Variants in ITGAV observed in about 807,000 individuals in gnomAD.
ITGAV encodes the protein integrin alpha-V.
ITGAV carries 76 observed loss-of-function variants against 143.8 expected under a neutral mutation model. The ratio of observed to expected loss-of-function variants is 0.53; its 90% CI spans 0.44 to 0.64. ITGAV has a LOEUF of 0.64. Among genes scored for constraint, ITGAV ranks in the 30% least tolerant of loss-of-function variants. The pLI, the probability that ITGAV is intolerant of heterozygous loss-of-function variation, is 0.00. For missense variants in ITGAV, 1,193 were observed against 1,274.7 expected, an observed-to-expected ratio of 0.94 and a Z score of 0.98; for synonymous variants, 453 against 446.7, an observed-to-expected ratio of 1.01 and a Z score of -0.18.
rs1299571838 is a variant in ITGAV at position 186,678,822 on chromosome 2, C to T, written c.*1530C>T. ...TCATTAGGTAATGATAAATATTTCC[C>T]TTAAATAATTGACTATTTTGCTGTG... On this transcript the variant is annotated 3_prime_UTR_variant, in exon 30 of 30. Transcript: ENST00000261023. 4.7e-6 allele frequency: 2 copies of T among 425,998 alleles called. No individual in the cohort carries two copies. Among genetic ancestry groups the T allele is most frequent in the South Asian group, 3.4e-5 (2 of 58,274 alleles). The allele number at this position is 425,998 out of a possible 1,614,324, so 26.4% of individuals were successfully genotyped here.
intron 1 of ITGAV, chr2:186,600,471 T>C: frequency 6.7e-7 from 1 of 1,500,418 alleles, no homozygotes; most frequent in Non-Finnish European, 9.0e-7. Flanking sequence ...TTAGAGAGAC[T>C]TTCCTTTACC....
At chr2:186,631,078 C>A (rs926478848) in intron 5 of ITGAV, among the ~76,000 whole-genome samples, 1 of 152,092 alleles carries the variant, frequency 6.6e-6, no homozygotes, top group East Asian at 1.9e-4. Flanking sequence ...CCCCATCACT[C>A]TGGGAATGGA....
intron 2 of ITGAV, among the ~76,000 whole-genome samples, chr2:186,608,141 A>G (rs892701767): frequency 3.3e-5 from 5 of 152,178 alleles, no homozygotes; most frequent in African/African-American, 9.7e-5. Flanking sequence ...TGTATAGGAA[A>G]GTTCATGTAA....
intron 14 of ITGAV, among the ~76,000 whole-genome samples, chr2:186,651,638 C>T (rs1688433907): frequency 6.6e-6 from 1 of 152,114 alleles, no homozygotes; most frequent in Non-Finnish European, 1.5e-5. Context: ...TCATCCCACT[C>T]ATTTTCTCCA....
chr2:186,638,574 A>G (rs907534422), intron 10 of ITGAV, 109 bp downstream of exon 10: 15 of 777,558 alleles, frequency 1.9e-5, no homozygotes, highest in Non-Finnish European at 3.0e-5. Flanking sequence ...CTCATCAAAT[A>G]GATAATTCTT....
chr2:186,668,192 A>G (rs75180115), intron 24 of ITGAV, among the ~76,000 whole-genome samples: 619 of 9,732 alleles, frequency 0.064, 23 homozygotes, highest in South Asian at 0.13. Flanking sequence ...ATACATATAT[A>G]TATATATATA....
Position 186,625,689 on chromosome 2 carries a change from G to T in ITGAV, c.523+102G>T, listed in dbSNP as rs866689769. 5.4e-6 allele frequency: 3 copies of T among 552,760 alleles called. No individual in the cohort carries two copies. In the African/African-American group the frequency reaches 5.7e-5, roughly 11 times the overall value. 34.2% of individuals were successfully genotyped at this position (552,760 alleles called of 1,614,324 possible). ...TGTGTGTGTGTGTGTGAGAGAGAGA[G>T]ATATTAAAAGATATAGACATATTAT... On this transcript the variant is annotated intron_variant, in intron 4 of 29. Coordinates refer to ENST00000261023, the MANE Select transcript of ITGAV (RefSeq NM_002210.5).
At position 186,668,962 on chromosome 2, in the gene ITGAV, A is replaced by G. The variant is rs751110881; in HGVS notation, c.2592+42A>G. ...CAGCTCTTCATTACAATGATATTTC[A>G]TTGCCTTCTTTCTAAACCTGTAAAA... On this transcript the variant is annotated intron_variant, in intron 25 of 29. Transcript: ENST00000261023. 3.4e-6 allele frequency: 5 copies of G among 1,467,492 alleles called. 1 individual carries two copies. The South Asian group carries it at 5.1e-5, about 15-fold the overall frequency. 90.9% of individuals were successfully genotyped at this position (1,467,492 alleles called of 1,614,324 possible).
chr2:186,676,539 C>T (rs895868752), intron 28 of ITGAV, among the ~76,000 whole-genome samples: 20 of 152,078 alleles, frequency 1.3e-4, no homozygotes, highest in African/African-American at 4.8e-4. Flanking sequence ...GAGTTCATGC[C>T]CCTGCATTCC....
intron 2 of ITGAV, among the ~76,000 whole-genome samples, chr2:186,610,504 T>C (rs1414126820): frequency 1.8e-4 from 27 of 152,242 alleles, no homozygotes; most frequent in Admixed American, 1.8e-3. Flanking sequence ...TATATGTTTA[T>C]GCAATGATTG....
At chr2:186,627,393 T>C (rs1323795168) in intron 4 of ITGAV, among the ~76,000 whole-genome samples, 2 of 152,214 alleles carry the variant, frequency 1.3e-5, no homozygotes, top group African/African-American at 4.8e-5. Context: ...CAGTTGCTTC[T>C]GTATTAAGCA....
chr2:186,630,639 C>T (rs1405976819), intron 4 of ITGAV, among the ~76,000 whole-genome samples, 158 bp from the exon 5 acceptor site: 1 of 152,024 alleles, frequency 6.6e-6, no homozygotes, highest in Non-Finnish European at 1.5e-5. Flanking sequence ...AACATGCATA[C>T]TCTCTTGGAA....
At position 186,669,742 on chromosome 2, in the gene ITGAV, C is replaced by A. The variant is rs141095012; in HGVS notation, c.2634C>A (p.Ala878=). ...LQTTEKNDTV[A]GQGERDHLIT... is the part of the protein sequence containing the mutation. The stretch of plus-strand genomic sequence containing the variant: ...CAACTGAAAAGAATGACACGGTTGC[C>A]GGGCAAGGTGAGCGGGACCATCTCA... The change falls in exon 26 of 30, where the codon GCC becomes GCA. Residue 878 remains alanine, a synonymous_variant. Transcript: ENST00000261023. The A allele has an allele frequency of 6.2e-7, 1 of 1,613,860 alleles. No individual in the cohort carries two copies. Among genetic ancestry groups the A allele is most frequent in the African/African-American group, 1.3e-5 (1 of 74,880 alleles).
chr2:186,602,194 A>ATTT, intron 2 of ITGAV, 43 bp downstream of exon 2: 3 of 1,442,214 alleles, frequency 2.1e-6, no homozygotes, highest in South Asian at 1.3e-5. Context: ...ATTTCATTTG[A>ATTT]TTTTTTTTTT....
At chr2:186,649,104 G>A (rs1688352508) in intron 13 of ITGAV, among the ~76,000 whole-genome samples, 1 of 148,436 alleles carries the variant, frequency 6.7e-6, no homozygotes, top group Non-Finnish European at 1.5e-5. Flanking sequence ...TTTGCTACTG[G>A]GATTGTATTT....
At position 186,662,500 on chromosome 2, in the gene ITGAV, A is replaced by G. The variant is rs191667824; in HGVS notation, c.1858-1268A>G. On this transcript the variant is annotated intron_variant, in intron 18 of 29. Transcript: ENST00000261023. ...TTTAAATTTTATTTAATTTTAATTAATTTAACGTTAAAAGCTGATGCTTAA... is the reference window on the plus strand; with the variant it reads ...TTTAAATTTTATTTAATTTTAATTAGTTTAACGTTAAAAGCTGATGCTTAA... Among the ~76,000 whole-genome samples, 308 of 152,288 alleles carry G rather than the reference A, an allele frequency of 2.0e-3. 1 individual carries two copies. Among genetic ancestry groups the G allele is most frequent in the African/African-American group, 7.0e-3 (292 of 41,562 alleles).
rs536695988 is a variant in ITGAV, at chr2:186,657,741, A to G, written c.1720-1297A>G. ...ATTTTGAATAACCTTGGGCCAGTAC[A>G]TAGGAAAACTTTTAGACAAATCATG... On this transcript the variant is annotated intron_variant, in intron 17 of 29. Coordinates refer to ENST00000261023, the MANE Select transcript of ITGAV (RefSeq NM_002210.5). Among the ~76,000 whole-genome samples the G allele has an allele frequency of 2.0e-5, 3 of 152,310 alleles. No individual in the cohort carries two copies. The South Asian group carries it at 6.2e-4, about 32-fold the overall frequency.
At position 186,679,509 on chromosome 2, in the gene ITGAV, T is replaced by C. The variant is rs887902488; in HGVS notation, c.*2217T>C. On this transcript the variant is annotated 3_prime_UTR_variant, in exon 30 of 30. Transcript: ENST00000261023. ...AAAATGGTGGGATTTTTTTTTATCA[T>C]GATTAAATATCAAAAAATTGCCCTA... The C allele has an allele frequency of 1.3e-5, 2 of 151,866 alleles. No individual in the cohort carries two copies. The highest frequency in any genetic ancestry group is 2.9e-5 in the Non-Finnish European group (2 of 67,840). The allele number at this position is 151,866 out of a possible 1,614,324, so 9.4% of individuals were successfully genotyped here.
intron 12 of ITGAV, among the ~76,000 whole-genome samples, chr2:186,643,814 A>G (rs1011401195): frequency 6.6e-6 from 1 of 152,272 alleles, no homozygotes; most frequent in African/African-American, 2.4e-5. Flanking sequence ...TCGACAGATG[A>G]TAGCGAAGAG....
Sources: allele counts gnomAD v4.1 joint callset (sites outside exome capture counted in the v4.1 genomes callset), GRCh38; gene constraint gnomAD v4.1.1; transcripts MANE v1.5; gene names NCBI Gene and HGNC (gene_info 2026-07-23, HGNC 2026-07-21).